Variants in ANO3 observed in about 807,000 individuals in gnomAD.
ANO3 encodes the protein anoctamin-3.
In ANO3, 99 loss-of-function variants were observed where a neutral mutation model predicts 144.8. That is an observed-to-expected ratio of 0.68 (90% CI 0.58 to 0.81). The LOEUF is 0.81. Among genes scored for constraint, ANO3 ranks in the 30% least tolerant of loss-of-function variants. ANO3 has a pLI of 0.00. For missense variants in ANO3, 905 were observed against 1,202.2 expected (o/e 0.75, Z 3.66); for synonymous variants, 414 against 392.6 (o/e 1.05, Z -0.64).
intron 7 of ANO3, among the ~76,000 whole-genome samples, chr11:26,530,417 T>C (rs1849332242): frequency 1.6e-5 from 1 of 62,388 alleles, no homozygotes; most frequent in South Asian, 4.5e-4. Flanking sequence ...AGCTGTTTGT[T>C]TTAAAAAAAA....
chr11:26,474,189 A>G, intron 4 of ANO3: 1 of 795,504 alleles, frequency 1.3e-6, no homozygotes, highest in Non-Finnish European at 1.5e-6. Context: ...TCTTAAACAT[A>G]TGTAGAGAAG....
At chr11:26,374,397 C>G (rs1856346276) in intron 1 of ANO3, among the ~76,000 whole-genome samples, 1 of 152,172 alleles carries the variant, frequency 6.6e-6, no homozygotes, top group Non-Finnish European at 1.5e-5. Context: ...ACTAGAATTA[C>G]TGAAGATTAC....
intron 1 of ANO3, among the ~76,000 whole-genome samples, chr11:26,391,801 C>T (rs903070058): frequency 1.3e-5 from 2 of 152,120 alleles, no homozygotes; most frequent in African/African-American, 2.4e-5. Context: ...GTGTAGCCAA[C>T]ATCTAACCCA....
chr11:26,258,643 G>T (rs1017136747), intron 1 of ANO3, among the ~76,000 whole-genome samples: 1 of 151,970 alleles, frequency 6.6e-6, no homozygotes, highest in African/African-American at 2.4e-5. Context: ...CATCTCTCTC[G>T]AACTCCATAG....
At chr11:26,507,313 C>G (rs1861473735) in intron 4 of ANO3, among the ~76,000 whole-genome samples, 1 of 152,124 alleles carries the variant, frequency 6.6e-6, no homozygotes, top group African/African-American at 2.4e-5. Flanking sequence ...ATGGCCTGGA[C>G]TGGGTAATCA....
chr11:26,482,142 C>T (rs1860243127), intron 4 of ANO3, among the ~76,000 whole-genome samples: 1 of 152,052 alleles, frequency 6.6e-6, no homozygotes, highest in South Asian at 2.1e-4. Context: ...AAGTGATCCT[C>T]CCACTGCAGC....
At chr11:26,451,330 G>C (rs4638269) in intron 3 of ANO3, among the ~76,000 whole-genome samples, 132,888 of 152,176 alleles carry the variant, frequency 0.87, 58,615 homozygotes, top group East Asian at 1. Context: ...CCCTTTCCTA[G>C]TCAAAGAAAG....
chr11:26,450,956 A>G (rs1258862506), intron 3 of ANO3, among the ~76,000 whole-genome samples: 1 of 152,204 alleles, frequency 6.6e-6, no homozygotes, highest in Non-Finnish European at 1.5e-5. Flanking sequence ...ATAGTCTGCT[A>G]TATTATATTG....
chr11:26,475,364 T>C (rs976039432), intron 4 of ANO3, among the ~76,000 whole-genome samples: 1 of 152,052 alleles, frequency 6.6e-6, no homozygotes, highest in Admixed American at 6.6e-5. Flanking sequence ...TGAAAAAAAT[T>C]AATCTAGCTT....
intron 14 of ANO3, among the ~76,000 whole-genome samples, chr11:26,568,435 G>A (rs1366088087): frequency 6.7e-6 from 1 of 148,960 alleles, no homozygotes; most frequent in Non-Finnish European, 1.5e-5. Flanking sequence ...TATAGAATTT[G>A]GTACACAGCT....
intron 1 of ANO3, among the ~76,000 whole-genome samples, chr11:26,358,525 A>G (rs1855845810): frequency 6.6e-6 from 1 of 152,072 alleles, no homozygotes; most frequent in Non-Finnish European, 1.5e-5. Flanking sequence ...TATTGCCTAT[A>G]CAGATTAATT....
intron 17 of ANO3, among the ~76,000 whole-genome samples, chr11:26,613,160 A>G (rs976000010): frequency 9.9e-5 from 15 of 152,160 alleles, no homozygotes; most frequent in Admixed American, 6.5e-4. Context: ...ATGGTGTTTC[A>G]TAAGTCTCAT....
At chr11:26,391,096 T>G (rs1269060281) in intron 1 of ANO3, among the ~76,000 whole-genome samples, 4 of 152,132 alleles carry the variant, frequency 2.6e-5, no homozygotes, top group African/African-American at 9.6e-5. Context: ...TACTTGAGAC[T>G]GGGACATTTA....
exon 1 of ANO3, chr11:26,189,099 A>ATT (rs56114558): frequency 9.8e-5 from 62 of 632,478 alleles, no homozygotes; most frequent in Non-Finnish European, 1.1e-4. Context: ...GAATACTGTG[A>ATT]TTTTTTTTCC....
At chr11:26,631,371 A>G (rs1014130513) in intron 18 of ANO3, among the ~76,000 whole-genome samples, 3 of 151,964 alleles carry the variant, frequency 2.0e-5, no homozygotes, top group African/African-American at 2.4e-5. Flanking sequence ...TTTCTTCTAT[A>G]TAAGGCAATA....
chr11:26,404,117 T>C (rs1565004855), intron 1 of ANO3, among the ~76,000 whole-genome samples: 1 of 151,846 alleles, frequency 6.6e-6, no homozygotes, highest in Non-Finnish European at 1.5e-5. Context: ...GAAGGAGGGA[T>C]TGTGACTGTA....
At chr11:26,657,933 A>C (rs1853745757) in intron 26 of ANO3, among the ~76,000 whole-genome samples, 4 of 146,010 alleles carry the variant, frequency 2.7e-5, no homozygotes, top group Non-Finnish European at 6.2e-5. Flanking sequence ...CACTCTGTAG[A>C]TGTTTTTTAT....
rs1531392 is a variant in ANO3, at chr11:26,333,574, A to G, written c.46+1253A>G. 2.5e-3 allele frequency among the ~76,000 whole-genome samples: 386 copies of G among 152,118 alleles called. 4 individuals carry two copies. Among genetic ancestry groups the G allele is most frequent in the East Asian group, 0.023 (119 of 5,146 alleles). On this transcript the variant is annotated intron_variant, in intron 1 of 26. Coordinates refer to ENST00000256737, the MANE Select transcript of ANO3 (RefSeq NM_031418.4). ...TGGGATTACAGGTGTGAGCCACTGT[A>G]CCCGGCCCTTGACTTTTTTGTTTGT...
chr11:26,410,469 G>A (rs533105358), intron 1 of ANO3, among the ~76,000 whole-genome samples: 1 of 151,950 alleles, frequency 6.6e-6, no homozygotes, highest in South Asian at 2.1e-4. Context: ...ATACTATAAT[G>A]AAATTGAACA....
Sources: gnomAD v4.1 joint callset for allele counts (sites outside exome capture counted in the v4.1 genomes callset) on GRCh38, gnomAD v4.1.1 for gene constraint, MANE v1.5 for transcripts, NCBI Gene and HGNC (gene_info 2026-07-23, HGNC 2026-07-21) for gene names.